ZDHHC17: variants seen among roughly 807,000 people sequenced by gnomAD.
ZDHHC17 encodes zDHHC palmitoyltransferase 17, also known as palmitoyltransferase ZDHHC17.
A neutral mutation model predicts 90.3 loss-of-function variants in ZDHHC17; 40 were observed. The ratio of observed to expected loss-of-function variants is 0.44; its 90% CI spans 0.34 to 0.58. The LOEUF (loss-of-function observed/expected upper bound fraction) is 0.58, where lower values mean the gene tolerates loss of function less well. Among genes scored for constraint, ZDHHC17 ranks in the 20% least tolerant of loss-of-function variants. ZDHHC17 has a pLI of 0.01. For missense variants in ZDHHC17, 614 were observed against 780.8 expected, an observed-to-expected ratio of 0.79 and a Z score of 2.55; for synonymous variants, 235 against 252.4, an observed-to-expected ratio of 0.93 and a Z score of 0.65.
intron 7 of ZDHHC17, among the ~76,000 whole-genome samples, chr12:76,820,889 A>G (rs1953156450): frequency 6.6e-6 from 1 of 152,166 alleles, no homozygotes; most frequent in African/African-American, 2.4e-5. Context: ...TGAGACATGG[A>G]GTGATCAAAT....
At chr12:76,844,580 A>T (rs896161082) in intron 12 of ZDHHC17, 2 of 152,152 alleles carry the variant, frequency 1.3e-5, no homozygotes, top group African/African-American at 4.8e-5. Context: ...ACAGTGTTGC[A>T]GCTGAGGGTT....
intron 1 of ZDHHC17, among the ~76,000 whole-genome samples, chr12:76,769,368 G>T (rs10735457): frequency 0.61 from 92,263 of 152,026 alleles, 28,014 homozygotes; most frequent in East Asian, 0.67. Context: ...CCATGAAGCT[G>T]TTCTTTAGTG....
rs1176486996 is a variant in ZDHHC17, at chr12:76,853,153, A to G, written c.*2168A>G. ...AAGACAAACCTCTAGATGTGTAATT[A>G]CATGGAAAATACTAGCAATGTGAAT... is the stretch of plus-strand genomic sequence containing the variant. On this transcript the variant is annotated 3_prime_UTR_variant, in exon 17 of 17. Transcript: ENST00000426126. 1 of 152,232 alleles carries G rather than the reference A, an allele frequency of 6.6e-6. No homozygotes were observed. The highest frequency in any genetic ancestry group is 2.4e-5 in the African/African-American group (1 of 41,462). The allele number at this position is 152,232 out of a possible 1,614,324, so 9.4% of individuals were successfully genotyped here.
At position 76,842,021 on chromosome 12, in the gene ZDHHC17, A is replaced by T. The variant is rs368123172; in HGVS notation, c.1181A>T (p.Asn394Ile). Residue 394 changes from asparagine to isoleucine, a missense_variant, in exon 11 of 17, where the codon AAT becomes ATT. Physicochemically the swap from Asn to Ile is moderately radical, Grantham distance 149. This residue lies in a region of ZDHHC17 where 117 missense variants were observed against 183.6 expected (regional missense o/e 0.64). Coordinates refer to ENST00000426126, the MANE Select transcript of ZDHHC17 (RefSeq NM_015336.4). ...TTTATCCATCTTCCATTCCTTGCCA[A>T]TAGTGTTGCACTTTTCTACAATTTT... ...FLFIHLPFLA[N>I]SVALFYNFGK... 5.0e-6 allele frequency: 8 copies of T among 1,595,808 alleles called. No homozygotes were observed. Among genetic ancestry groups the T allele is most frequent in the Non-Finnish European group, 6.8e-6 (8 of 1,171,558 alleles).
At chr12:76,779,452 AG>A (rs1249805397) in intron 1 of ZDHHC17, among the ~76,000 whole-genome samples, 1 of 152,138 alleles carries the variant, frequency 6.6e-6, no homozygotes, top group Non-Finnish European at 1.5e-5. Context: ...AAGTGTGTGC[AG>A]GGGAACTCCC....
chr12:76,809,046 C>CTA lies in ZDHHC17; in HGVS notation c.328_329dup (p.Ser111PhefsTer14), dbSNP rs1367650229. The CTA allele has an allele frequency of 6.6e-7, 1 of 1,519,222 alleles. No homozygotes were observed. The highest frequency in any genetic ancestry group is 8.8e-7 in the Non-Finnish European group (1 of 1,133,286). The allele number at this position is 1,519,222 out of a possible 1,614,324, so 94.1% of individuals were successfully genotyped here. On this transcript the variant is annotated frameshift_variant, in exon 4 of 17. Transcript: ENST00000426126. LOFTEE classifies it high-confidence loss of function. ...TATTATAAATTTTGTCTTATAGATA[C>CTA]TATATTTCGAAAGGTGCTATTGTGG...
chr12:76,804,296 T>C (rs1952928582), intron 2 of ZDHHC17, among the ~76,000 whole-genome samples: 1 of 152,200 alleles, frequency 6.6e-6, no homozygotes, highest in African/African-American at 2.4e-5. Flanking sequence ...CAAATGCCCA[T>C]AACTTACCAG....
At chr12:76,825,193 T>A (rs1006696863) in intron 8 of ZDHHC17, among the ~76,000 whole-genome samples, 2 of 152,178 alleles carry the variant, frequency 1.3e-5, no homozygotes, top group African/African-American at 4.8e-5. Context: ...TGTGATATGC[T>A]ACTGTGATAC....
chr12:76,838,531 C>T (rs1953396341), intron 10 of ZDHHC17, among the ~76,000 whole-genome samples: 1 of 152,072 alleles, frequency 6.6e-6, no homozygotes, highest in Non-Finnish European at 1.5e-5. Flanking sequence ...TTTCTGTAGC[C>T]TAAGAAAAAG....
At chr12:76,846,926 A>G (rs780415900) in intron 14 of ZDHHC17, among the ~76,000 whole-genome samples, 5 of 152,230 alleles carry the variant, frequency 3.3e-5, no homozygotes, top group African/African-American at 4.8e-5. Flanking sequence ...TATTGGTTTA[A>G]TAGGCTTTGA....
intron 1 of ZDHHC17, among the ~76,000 whole-genome samples, chr12:76,796,400 G>A (rs1452869336): frequency 6.6e-6 from 1 of 151,872 alleles, no homozygotes; most frequent in African/African-American, 2.4e-5. Context: ...GTTATATTGA[G>A]GAAATTGACT....
chr12:76,780,218 A>G (rs1952606390), intron 1 of ZDHHC17, among the ~76,000 whole-genome samples: 1 of 152,144 alleles, frequency 6.6e-6, no homozygotes, highest in Non-Finnish European at 1.5e-5. Flanking sequence ...TATCAATTGG[A>G]GAATTGACAG....
intron 2 of ZDHHC17, among the ~76,000 whole-genome samples, chr12:76,802,938 A>C (rs950831132): frequency 6.6e-6 from 1 of 150,854 alleles, no homozygotes; most frequent in African/African-American, 2.4e-5. Flanking sequence ...TTTTGTTTTT[A>C]CTTTCAGTAC....
chr12:76,793,111 A>G (rs2137739870), intron 1 of ZDHHC17, among the ~76,000 whole-genome samples: 1 of 152,344 alleles, frequency 6.6e-6, no homozygotes, highest in East Asian at 1.9e-4. Context: ...TCTTTTGGTT[A>G]TTAGTGTTGT....
intron 15 of ZDHHC17, 137 bp downstream of exon 15, chr12:76,848,527 C>G (rs1953522646): frequency 1.9e-6 from 2 of 1,028,186 alleles, no homozygotes; most frequent in Non-Finnish European, 2.7e-6. Flanking sequence ...GTTTTCCTTT[C>G]TACCTCACTC....
At chr12:76,769,198 A>ATAGG in intron 1 of ZDHHC17, 2 of 216,700 alleles carry the variant, frequency 9.2e-6, no homozygotes, top group South Asian at 4.8e-5. Flanking sequence ...AGCTGGGATT[A>ATAGG]CAGGTGCCTG....
Position 76,809,698 on chromosome 12 carries a change from T to C in ZDHHC17, c.399-15T>C, listed in dbSNP as rs371014303. The C allele has an allele frequency of 1.4e-6, 2 of 1,435,438 alleles. No homozygotes were observed. Among genetic ancestry groups the C allele is most frequent in the African/African-American group, 3.0e-5 (2 of 67,524 alleles). 88.9% of individuals were successfully genotyped at this position (1,435,438 alleles called of 1,614,324 possible). A position where few individuals can be genotyped will look rare whatever the true frequency, so the allele number is the denominator to read the frequency against. On this transcript the variant is annotated splice_polypyrimidine_tract_variant and intron_variant, in intron 4 of 16. Coordinates refer to ENST00000426126, the MANE Select transcript of ZDHHC17 (RefSeq NM_015336.4). ...TAACTTTATATATCTAAGTGTTTATTCTTTTATGTTTTAGACAAGGCCATC... is the reference window on the plus strand; with the variant it reads ...TAACTTTATATATCTAAGTGTTTATCCTTTTATGTTTTAGACAAGGCCATC...
rs1369781183 is a variant in ZDHHC17, at chr12:76,822,494, A to G, written c.860A>G (p.Asp287Gly). The change falls in exon 8 of 17, where the codon GAC (aspartate) becomes GGC (glycine). Residue 287 changes from aspartate (D) to glycine (G), a missense_variant. Physicochemically the swap from Asp to Gly is moderately conservative, Grantham distance 94 (BLOSUM62 -1). This residue lies in a region of ZDHHC17 where 358 missense variants were observed against 380.4 expected (regional missense o/e 0.94). Coordinates refer to ENST00000426126, the MANE Select transcript of ZDHHC17 (RefSeq NM_015336.4). The part of the protein sequence containing the change: ...LQEARQAKGY[D>G]NPSFLRKLKA... ...GAGGCAAGGCAAGCAAAAGGATATG[A>G]CAATCCGTCCTTCCTTAGAAAGCTG... is the stretch of plus-strand genomic sequence containing the variant. 1.9e-6 allele frequency: 3 copies of G among 1,611,606 alleles called. No individual in the cohort carries two copies. The highest frequency in any genetic ancestry group is 2.2e-5 in the East Asian group (1 of 44,800).
intron 5 of ZDHHC17, chr12:76,813,560 T>C (rs1953050581): frequency 3.8e-6 from 1 of 263,334 alleles, no homozygotes; most frequent in Non-Finnish European, 7.5e-6. Flanking sequence ...TTGAGACATA[T>C]TCCTATTGCT....
Sources: gnomAD v4.1 joint callset for allele counts (sites outside exome capture counted in the v4.1 genomes callset) on GRCh38, gnomAD v4.1.1 for gene constraint, gnomAD v4.1.1 regional missense constraint, MANE v1.5 for transcripts, NCBI Gene and HGNC (gene_info 2026-07-23, HGNC 2026-07-21) for gene names.